Variants in PSMB2 observed in about 807,000 individuals in gnomAD.
The protein encoded by PSMB2 is proteasome subunit beta type-2.
In PSMB2, 13 loss-of-function variants were observed where a neutral mutation model predicts 25.7. The ratio of observed to expected loss-of-function variants is 0.51; its 90% CI spans 0.33 to 0.80. PSMB2 has a LOEUF of 0.80. PSMB2 is among the 30% of genes least tolerant of loss of function. The probability of loss-of-function intolerance (pLI) is 0.02; values close to 1 mark genes in which losing one functional copy is unlikely to be tolerated. For missense variants in PSMB2, 202 were observed against 259.0 expected (o/e 0.78, Z 1.51); for synonymous variants, 87 against 96.2 (o/e 0.90, Z 0.56).
chr1:35,613,886 T>A (rs1345028271), intron 3 of PSMB2, among the ~76,000 whole-genome samples: 1 of 152,222 alleles, frequency 6.6e-6, no homozygotes, highest in African/African-American at 2.4e-5. Flanking sequence ...TTCCAAAAGA[T>A]AATGCATGTG....
In PSMB2 at chr1:35,605,094, G is replaced by C. The variant is rs962913728; in HGVS notation, c.498+139C>G. 3 of 720,620 alleles carry C rather than the reference G, an allele frequency of 4.2e-6. No individual in the cohort carries two copies. In the Admixed American group the frequency reaches 8.0e-5, roughly 19 times the overall value. The allele number at this position is 720,620 out of a possible 1,614,324, so 44.6% of individuals were successfully genotyped here. A position where few individuals can be genotyped will look rare whatever the true frequency, so the allele number is the denominator to read the frequency against. On this transcript the variant is annotated intron_variant, in intron 5 of 5. Coordinates refer to ENST00000373237, the MANE Select transcript of PSMB2 (RefSeq NM_002794.5). ...CTATCCACACCAAACTCTATCCCTG[G>C]TAGCAACTTCACATCTGGTTAGTGG...
At chr1:35,607,710 G>A (rs2148562745) in intron 4 of PSMB2, among the ~76,000 whole-genome samples, 1 of 152,234 alleles carries the variant, frequency 6.6e-6, no homozygotes. Flanking sequence ...CATTATATTG[G>A]ATGAAATCAT....
chr1:35,639,252 T>C (rs907069834), intron 1 of PSMB2, among the ~76,000 whole-genome samples: 1 of 152,068 alleles, frequency 6.6e-6, no homozygotes, highest in Non-Finnish European at 1.5e-5. Flanking sequence ...AGACTCTGTC[T>C]CAAAAATAAA....
chr1:35,611,080 T>C (rs1650317356), intron 3 of PSMB2, among the ~76,000 whole-genome samples: 1 of 152,224 alleles, frequency 6.6e-6, no homozygotes, highest in African/African-American at 2.4e-5. Flanking sequence ...CCATTTTATA[T>C]GGCTTTCTTT....
intron 2 of PSMB2, chr1:35,631,556 CA>C: frequency 7.6e-6 from 10 of 1,311,094 alleles, no homozygotes; most frequent in Non-Finnish European, 9.9e-6. Context: ...TTCTTGGCCA[CA>C]AACAGAACCA....
intron 3 of PSMB2, among the ~76,000 whole-genome samples, chr1:35,618,602 C>T (rs927553963): frequency 6.6e-6 from 1 of 151,946 alleles, no homozygotes; most frequent in Non-Finnish European, 1.5e-5. Context: ...AACTGAAGAG[C>T]GAGCCACGTT....
At chr1:35,634,944 C>T (rs967297846) in intron 2 of PSMB2, among the ~76,000 whole-genome samples, 2 of 152,128 alleles carry the variant, frequency 1.3e-5, no homozygotes, top group Non-Finnish European at 2.9e-5. Context: ...CATGCCACCA[C>T]ACTCAGCTAA....
chr1:35,620,534 G>A (rs1004021168), intron 3 of PSMB2, among the ~76,000 whole-genome samples: 3 of 151,788 alleles, frequency 2.0e-5, no homozygotes, highest in Non-Finnish European at 2.9e-5. Flanking sequence ...ACAGAGTCTC[G>A]CTCTGTCACC....
Position 35,636,381 on chromosome 1 carries a change from C to G in PSMB2, c.143G>C (p.Gly48Ala). Residue 48 changes from glycine (G) to alanine (A), a missense_variant, in exon 2 of 6, where the codon GGA (glycine) becomes GCA (alanine). Transcript: ENST00000373237. Reference sequence around the variant, plus strand: ...AAACTGTACAGTGTCTCCAGCCTCTCCAACACACAGGAGTAATATCTTTTC... The same window carrying G: ...AAACTGTACAGTGTCTCCAGCCTCTGCAACACACAGGAGTAATATCTTTTC... The part of the protein sequence containing the change: ...MSEKILLLCV[G>A]EAGDTVQFAE... 6.2e-7 allele frequency: 1 copy of G among 1,614,044 alleles called. No individual in the cohort carries two copies. Among genetic ancestry groups the G allele is most frequent in the Non-Finnish European group, 8.5e-7 (1 of 1,179,950 alleles).
At chr1:35,631,394 C>T (rs370665921) in intron 2 of PSMB2, 50 bp from the exon 3 acceptor site, 1 of 1,606,498 alleles carries the variant, frequency 6.2e-7, no homozygotes, top group African/African-American at 1.3e-5. Flanking sequence ...GAAGGAATAA[C>T]AGTGCCCCAA....
chr1:35,599,780 A>T lies in PSMB2; in HGVS notation c.*3487T>A. Reference sequence around the variant, plus strand: ...AGATTAAAAGTAGAGTGAAGTTAGGAGGCTGTTAAATAGTCTAAGAAACGA... The same window carrying T: ...AGATTAAAAGTAGAGTGAAGTTAGGTGGCTGTTAAATAGTCTAAGAAACGA... On this transcript the variant is annotated 3_prime_UTR_variant, in exon 6 of 6. Transcript: ENST00000373237. 4 of 983,968 alleles carry T rather than the reference A, an allele frequency of 4.1e-6. No individual in the cohort carries two copies. The highest frequency in any genetic ancestry group is 4.8e-6 in the Non-Finnish European group (4 of 828,614). 61.0% of individuals were successfully genotyped at this position (983,968 alleles called of 1,614,324 possible).
chr1:35,613,111 G>C (rs188267227), intron 3 of PSMB2, among the ~76,000 whole-genome samples: 1 of 152,352 alleles, frequency 6.6e-6, no homozygotes, highest in South Asian at 2.1e-4. Context: ...ATTATTGTGT[G>C]ACTTTGAATT....
rs1248413647 is a variant in PSMB2 at position 35,600,389 on chromosome 1, GACAA to G, written c.*2874_*2877del. 8 of 819,864 alleles carry G rather than the reference GACAA, an allele frequency of 9.8e-6. No individual in the cohort carries two copies. The East Asian group carries it at 8.8e-4, about 90-fold the overall frequency. 50.8% of individuals were successfully genotyped at this position (819,864 alleles called of 1,614,324 possible). A position where few individuals can be genotyped will look rare whatever the true frequency, so the allele number is the denominator to read the frequency against. ...CAACCAATGTTGGTTTCTCAGTTTT[GACAA>G]ACATACTGTGGTATATAGAAGATGT... On this transcript the variant is annotated 3_prime_UTR_variant, in exon 6 of 6. Transcript: ENST00000373237.
rs6685810 is a variant in PSMB2, at chr1:35,617,749, C to T, written c.286-8341G>A. 6.1e-3 allele frequency among the ~76,000 whole-genome samples: 924 copies of T among 152,282 alleles called. 7 individuals are homozygous for T. The highest frequency in any genetic ancestry group is 0.01 in the Non-Finnish European group (700 of 68,030). On this transcript the variant is annotated intron_variant, in intron 3 of 5. Transcript: ENST00000373237. Reference sequence around the variant, plus strand: ...TCTGGATACTGGTGAACATGGGACACATACACCTGGAGAATTAGGTGACTT... The same window carrying T: ...TCTGGATACTGGTGAACATGGGACATATACACCTGGAGAATTAGGTGACTT...
At chr1:35,640,482 A>G (rs943964012) in intron 1 of PSMB2, among the ~76,000 whole-genome samples, 1 of 152,230 alleles carries the variant, frequency 6.6e-6, no homozygotes, top group African/African-American at 2.4e-5. Flanking sequence ...ATATAAGGAA[A>G]ACCTGGCAGC....
intron 1 of PSMB2, among the ~76,000 whole-genome samples, chr1:35,639,419 C>T (rs553041659): frequency 1.3e-5 from 2 of 152,262 alleles, no homozygotes; most frequent in Admixed American, 6.5e-5. Flanking sequence ...TTCTCCCATA[C>T]CATAGTTATC....
intron 3 of PSMB2, among the ~76,000 whole-genome samples, chr1:35,624,579 C>A (rs1403004467): frequency 2.0e-5 from 3 of 151,728 alleles, no homozygotes; most frequent in East Asian, 3.9e-4. Flanking sequence ...ATGGTGAAAC[C>A]CCGTCTCTAT....
At chr1:35,607,618 C>T (rs922699323) in intron 4 of PSMB2, among the ~76,000 whole-genome samples, 9 of 152,102 alleles carry the variant, frequency 5.9e-5, no homozygotes, top group African/African-American at 1.7e-4. Flanking sequence ...GACAGTATGG[C>T]GGTCCCTCAA....
rs545524374 is a variant in PSMB2 at position 35,605,567 on chromosome 1, G to A, written c.449-285C>T. On this transcript the variant is annotated intron_variant, in intron 4 of 5. Transcript: ENST00000373237. Reference sequence around the variant, plus strand: ...CCTCCCCTGGCCAGGGCCCACCTCTGAAGAAGTCCAGCAGCCTGTCTCTCT... The same window carrying A: ...CCTCCCCTGGCCAGGGCCCACCTCTAAAGAAGTCCAGCAGCCTGTCTCTCT... 5.9e-5 allele frequency among the ~76,000 whole-genome samples: 9 copies of A among 152,364 alleles called. No homozygotes were observed. The South Asian group carries it at 1.9e-3, about 32-fold the overall frequency.
Sources: gnomAD v4.1 joint callset for allele counts (sites outside exome capture counted in the v4.1 genomes callset) on GRCh38, gnomAD v4.1.1 for gene constraint, MANE v1.5 for transcripts, NCBI Gene and HGNC (gene_info 2026-07-23, HGNC 2026-07-21) for gene names.